The following CEPT1 variants were observed in gnomAD, a reference collection of about 807,000 sequenced individuals.
The protein encoded by CEPT1 is choline/ethanolamine phosphotransferase 1.
Under a neutral mutation model 42.6 loss-of-function variants are expected in CEPT1, and 7 were observed. The ratio of observed to expected loss-of-function variants is 0.16; its 90% CI spans 0.09 to 0.31. The LOEUF is 0.31. Among genes scored for constraint, CEPT1 ranks in the 10% least tolerant of loss-of-function variants. The pLI is 1.00. For missense variants in CEPT1, 306 were observed against 502.1 expected (o/e 0.61, Z 3.73); for synonymous variants, 171 against 171.9 (o/e 0.99, Z 0.04).
At chr1:111,165,726 T>C (rs1394696312) in intron 4 of CEPT1, among the ~76,000 whole-genome samples, 1 of 152,218 alleles carries the variant, frequency 6.6e-6, no homozygotes, top group Non-Finnish European at 1.5e-5. Context: ...AATTCATGCT[T>C]CTAAAGTTTC....
intron 2 of CEPT1, among the ~76,000 whole-genome samples, chr1:111,158,818 G>C (rs1288957982): frequency 6.7e-6 from 1 of 149,674 alleles, no homozygotes; most frequent in Non-Finnish European, 1.5e-5. Context: ...AATCTCTTGG[G>C]ATTTTTGTAA....
intron 1 of CEPT1, among the ~76,000 whole-genome samples, chr1:111,145,897 TC>T (rs1654934623): frequency 6.6e-6 from 1 of 152,076 alleles, no homozygotes; most frequent in Non-Finnish European, 1.5e-5. Flanking sequence ...ATAAACCAGA[TC>T]CTCTCACAGC....
At chr1:111,144,945 G>A (rs757787633) in intron 1 of CEPT1, among the ~76,000 whole-genome samples, 1 of 151,998 alleles carries the variant, frequency 6.6e-6, no homozygotes, top group Non-Finnish European at 1.5e-5. Flanking sequence ...GTACCTTTGT[G>A]ATACAGTTGT....
intron 2 of CEPT1, 148 bp from the exon 3 acceptor site, chr1:111,159,232 T>C: frequency 1.4e-6 from 1 of 726,768 alleles, no homozygotes; most frequent in Non-Finnish European, 2.2e-6. Context: ...ACAATTCTAA[T>C]TGTTTCAGTG....
chr1:111,155,445 TTG>T (rs57780074), intron 2 of CEPT1, among the ~76,000 whole-genome samples: 2,589 of 150,300 alleles, frequency 0.017, 74 homozygotes, highest in African/African-American at 0.049. Flanking sequence ...ATTTTATCAT[TTG>T]TGTGTGTGTG....
intron 1 of CEPT1, among the ~76,000 whole-genome samples, chr1:111,146,361 C>T (rs1654964795): frequency 6.6e-6 from 1 of 152,112 alleles, no homozygotes; most frequent in East Asian, 1.9e-4. Context: ...TCACCCACTA[C>T]ACCCCAAAAG....
chr1:111,184,561 A>T lies in CEPT1; in HGVS notation c.*251A>T, dbSNP rs189516109. ...AGCATGCAGAAAAAAATGCCATGTG[A>T]TTGTAATTATCCTGGATTCAGAATA... On this transcript the variant is annotated 3_prime_UTR_variant, in exon 9 of 9. Coordinates refer to ENST00000357172, the MANE Select transcript of CEPT1 (RefSeq NM_006090.5). 13 of 312,818 alleles carry T rather than the reference A, an allele frequency of 4.2e-5. No individual in the cohort carries two copies. The Admixed American group carries it at 4.7e-4, about 11-fold the overall frequency. 19.4% of individuals were successfully genotyped at this position (312,818 alleles called of 1,614,324 possible). A position where few individuals can be genotyped will look rare whatever the true frequency, so the allele number is the denominator to read the frequency against.
At chr1:111,179,857 CA>C (rs1445774732) in intron 5 of CEPT1, 3 of 152,126 alleles carry the variant, frequency 2.0e-5, no homozygotes, top group Non-Finnish European at 4.4e-5. Context: ...AGAGAGTGTA[CA>C]AAATCAATTC....
Position 111,148,050 on chromosome 1 carries a change from G to C in CEPT1, c.336G>C (p.Glu112Asp). Residue 112 changes from glutamate (E) to aspartate (D), a missense_variant, in exon 2 of 9, where the codon GAG becomes GAC. Around this residue, in one of 2 missense-constraint regions of CEPT1, gnomAD observed 253 missense variants for 447.3 expected, o/e 0.57. Coordinates refer to ENST00000357172, the MANE Select transcript of CEPT1 (RefSeq NM_006090.5). The stretch of plus-strand genomic sequence containing the variant: ...TCTTCTACTGCCCTACAGCTACAGA[G>C]CAGGTAAGAGTTTCTTAACAGATCT... ...LLVFYCPTAT[E>D]QAPLWAYIAC... 1 of 1,611,412 alleles carries C rather than the reference G, an allele frequency of 6.2e-7. No homozygotes were observed. The highest frequency in any genetic ancestry group is 2.2e-5 in the East Asian group (1 of 44,864).
intron 3 of CEPT1, 148 bp downstream of exon 3, chr1:111,159,675 T>A (rs1655770602): frequency 1.8e-6 from 1 of 563,688 alleles, no homozygotes; most frequent in Non-Finnish European, 2.9e-6. Flanking sequence ...CTAGTTAATA[T>A]TTGTTCATTA....
intron 1 of CEPT1, among the ~76,000 whole-genome samples, chr1:111,145,803 G>A (rs1245376450): frequency 6.6e-6 from 1 of 152,216 alleles, no homozygotes; most frequent in Non-Finnish European, 1.5e-5. Flanking sequence ...CCTTGGCCTG[G>A]CTTCACTGCA....
Position 111,165,142 on chromosome 1 carries a change from T to C in CEPT1, c.629+3846T>C, listed in dbSNP as rs544946262. On this transcript the variant is annotated intron_variant, in intron 4 of 8. Coordinates refer to ENST00000357172, the MANE Select transcript of CEPT1 (RefSeq NM_006090.5). ...TCGACTCACTGCAACCTCCGCCTCC[T>C]GGGTTCATGCCATTCTCCTGCCTCA... Among the ~76,000 whole-genome samples the C allele has an allele frequency of 2.2e-4, 31 of 141,498 alleles. No individual in the cohort carries two copies. In the South Asian group the frequency reaches 2.9e-3, roughly 13 times the overall value. 92.8% of individuals were successfully genotyped at this position (141,498 alleles called of 152,430 possible).
At chr1:111,177,075 A>C (rs1656713654) in intron 5 of CEPT1, among the ~76,000 whole-genome samples, 1 of 152,224 alleles carries the variant, frequency 6.6e-6, no homozygotes, top group South Asian at 2.1e-4. Context: ...CATTTTCAAC[A>C]ATATCTTTAT....
At position 111,163,363 on chromosome 1, in the gene CEPT1, C is replaced by T. The variant is rs577243337; in HGVS notation, c.629+2067C>T. 2.0e-5 allele frequency among the ~76,000 whole-genome samples: 3 copies of T among 152,282 alleles called. No homozygotes were observed. In the East Asian group the frequency reaches 5.8e-4, roughly 29 times the overall value. On this transcript the variant is annotated intron_variant, in intron 4 of 8. Coordinates refer to ENST00000357172, the MANE Select transcript of CEPT1 (RefSeq NM_006090.5). Reference sequence around the variant, plus strand: ...AATGTGCTATGGCCAGGCACAGTGGCTTATGCCTTTAATTCCAGCATTCTG... The same window carrying T: ...AATGTGCTATGGCCAGGCACAGTGGTTTATGCCTTTAATTCCAGCATTCTG...
At chr1:111,172,752 T>G (rs1016883030) in intron 4 of CEPT1, among the ~76,000 whole-genome samples, 9 of 152,222 alleles carry the variant, frequency 5.9e-5, no homozygotes, top group Admixed American at 5.2e-4. Context: ...TTCTCATGAT[T>G]CAGAGCAGAA....
chr1:111,147,704 A>G lies in CEPT1; in HGVS notation c.-11A>G. ...ATTACTGTCTTTAAATATTAAAAAA[A>G]AACAAGATCCATGAGTGGGCATCGA... is the stretch of plus-strand genomic sequence containing the variant. On this transcript the variant is annotated 5_prime_UTR_variant, in exon 2 of 9. Coordinates refer to ENST00000357172, the MANE Select transcript of CEPT1 (RefSeq NM_006090.5). The G allele has an allele frequency of 6.4e-7, 1 of 1,570,754 alleles. No homozygotes were observed. Among genetic ancestry groups the G allele is most frequent in the Non-Finnish European group, 8.6e-7 (1 of 1,158,678 alleles).
chr1:111,175,105 A>G (rs1221105582), intron 5 of CEPT1, 142 bp downstream of exon 5: 2 of 627,038 alleles, frequency 3.2e-6, no homozygotes, highest in Non-Finnish European at 5.8e-6. Flanking sequence ...TTCTCTTTAG[A>G]GGATGGTGAA....
intron 2 of CEPT1, among the ~76,000 whole-genome samples, chr1:111,155,688 G>A (rs760232923): frequency 1.5e-4 from 23 of 151,954 alleles, no homozygotes; most frequent in Non-Finnish European, 3.2e-4. Flanking sequence ...ACAGGCATGC[G>A]CCACCACACC....
chr1:111,161,826 G>A (rs1238531365), intron 4 of CEPT1, among the ~76,000 whole-genome samples: 2 of 152,156 alleles, frequency 1.3e-5, no homozygotes, highest in East Asian at 3.8e-4. Context: ...CAGCCCTAAT[G>A]TATTCTCTTT....
Sources: allele counts gnomAD v4.1 joint callset (sites outside exome capture counted in the v4.1 genomes callset), GRCh38; gene constraint gnomAD v4.1.1; regional missense constraint gnomAD v4.1.1; transcripts MANE v1.5; gene names NCBI Gene and HGNC (gene_info 2026-07-23, HGNC 2026-07-21).